Variants in EPHA7 observed in about 807,000 individuals in gnomAD.
The protein encoded by EPHA7 is ephrin type-A receptor 7.
EPHA7 carries 25 observed loss-of-function variants against 112.6 expected under a neutral mutation model. The observed-to-expected ratio is 0.22, with a 90% CI of 0.16 to 0.31. The LOEUF (loss-of-function observed/expected upper bound fraction) is 0.31, where lower values mean the gene tolerates loss of function less well. EPHA7 is among the 10% of genes least tolerant of loss of function. The pLI is 1.00. For missense variants in EPHA7, 962 were observed against 1,212.6 expected (o/e 0.79, Z 3.07); for synonymous variants, 437 against 406.5 (o/e 1.07, Z -0.90).
intron 3 of EPHA7, among the ~76,000 whole-genome samples, chr6:93,401,019 T>C (rs111896759): frequency 0.01 from 1,538 of 152,204 alleles, 21 homozygotes; most frequent in African/African-American, 0.034. Context: ...TGTAAGGTTG[T>C]AATTCAGTGT....
At chr6:93,302,361 T>G (rs1773028015) in intron 5 of EPHA7, among the ~76,000 whole-genome samples, 2 of 152,250 alleles carry the variant, frequency 1.3e-5, no homozygotes, top group South Asian at 4.1e-4. Context: ...CCTGGGTTCT[T>G]TGACCTCTCG....
intron 5 of EPHA7, among the ~76,000 whole-genome samples, chr6:93,330,028 A>C (rs993975258): frequency 2.0e-5 from 3 of 151,388 alleles, no homozygotes; most frequent in African/African-American, 7.3e-5. Context: ...TGCCACAGTC[A>C]GTGGAATGAG....
chr6:93,283,660 G>A (rs1405029522), intron 5 of EPHA7, among the ~76,000 whole-genome samples: 1 of 152,032 alleles, frequency 6.6e-6, no homozygotes, highest in African/African-American at 2.4e-5. Flanking sequence ...GAGACCAGGA[G>A]CCCACCAGAA....
At chr6:93,303,134 A>G (rs747294475) in intron 5 of EPHA7, among the ~76,000 whole-genome samples, 8 of 152,148 alleles carry the variant, frequency 5.3e-5, no homozygotes, top group Non-Finnish European at 1.2e-4. Flanking sequence ...CCGTGATCCT[A>G]CTTTGCTCAC....
At chr6:93,403,396 A>C (rs1360547490) in intron 3 of EPHA7, among the ~76,000 whole-genome samples, 2 of 152,160 alleles carry the variant, frequency 1.3e-5, no homozygotes, top group Non-Finnish European at 2.9e-5. Flanking sequence ...TGTTTAAAAA[A>C]ATAGAATCTT....
At chr6:93,357,286 C>T (rs564501592) in intron 4 of EPHA7, among the ~76,000 whole-genome samples, 42 of 152,156 alleles carry the variant, frequency 2.8e-4, no homozygotes, top group East Asian at 1.7e-3. Context: ...CCTTTTAATA[C>T]GTCAAAATGA....
At chr6:93,396,742 A>G (rs1778193162) in intron 3 of EPHA7, among the ~76,000 whole-genome samples, 1 of 151,892 alleles carries the variant, frequency 6.6e-6, no homozygotes, top group South Asian at 2.1e-4. Context: ...CATACAAAAT[A>G]TAACAATATA....
chr6:93,405,594 T>A (rs1392130095), intron 3 of EPHA7, among the ~76,000 whole-genome samples: 1 of 151,436 alleles, frequency 6.6e-6, no homozygotes, highest in East Asian at 1.9e-4. Context: ...TGTACATACA[T>A]TACTTCATTC....
At chr6:93,360,872 C>T (rs767714430) in intron 3 of EPHA7, among the ~76,000 whole-genome samples, 5 of 152,060 alleles carry the variant, frequency 3.3e-5, no homozygotes, top group Non-Finnish European at 5.9e-5. Flanking sequence ...CAGCCTTATG[C>T]TATTCTACCA....
At chr6:93,406,580 T>G (rs905530087) in intron 3 of EPHA7, among the ~76,000 whole-genome samples, 28 of 151,964 alleles carry the variant, frequency 1.8e-4, no homozygotes, top group African/African-American at 5.8e-4. Context: ...TATTAATATC[T>G]CTGAGCTTCA....
chr6:93,317,490 T>A (rs1304819593), intron 5 of EPHA7, among the ~76,000 whole-genome samples: 1 of 152,124 alleles, frequency 6.6e-6, no homozygotes, highest in South Asian at 2.1e-4. Context: ...CATGGTTAAT[T>A]CTCAGATACA....
intron 5 of EPHA7, among the ~76,000 whole-genome samples, chr6:93,335,091 T>C (rs1774796699): frequency 6.6e-6 from 1 of 152,090 alleles, no homozygotes; most frequent in Non-Finnish European, 1.5e-5. Flanking sequence ...TTAACTTCTC[T>C]CAGCATTTGG....
At chr6:93,368,189 G>C (rs1334455914) in intron 3 of EPHA7, among the ~76,000 whole-genome samples, 9 of 152,014 alleles carry the variant, frequency 5.9e-5, no homozygotes, top group African/African-American at 1.9e-4. Flanking sequence ...TTAAATTTCT[G>C]ATATTTAATA....
chr6:93,298,747 T>C (rs1016124026), intron 5 of EPHA7, among the ~76,000 whole-genome samples: 1 of 152,160 alleles, frequency 6.6e-6, no homozygotes, highest in Non-Finnish European at 1.5e-5. Context: ...GGGCTCTTGG[T>C]AGTTAAATAT....
chr6:93,304,885 A>G (rs554326127), intron 5 of EPHA7, among the ~76,000 whole-genome samples: 1 of 152,184 alleles, frequency 6.6e-6, no homozygotes, highest in Admixed American at 6.6e-5. Flanking sequence ...TTAGATATGT[A>G]CATGGTTTGC....
In EPHA7 at chr6:93,241,150, T is replaced by C; in HGVS notation, c.*2276A>G. The C allele has an allele frequency of 4.8e-6, 1 of 207,878 alleles. No homozygotes were observed. Among genetic ancestry groups the C allele is most frequent in the Non-Finnish European group, 9.8e-6 (1 of 101,876 alleles). 12.9% of individuals were successfully genotyped at this position (207,878 alleles called of 1,614,324 possible). ...CTAGAAAAAAGCAGGAAAGACACCGTTTGCATGTACCATACTATGTCTTCT... is the reference window on the plus strand; with the variant it reads ...CTAGAAAAAAGCAGGAAAGACACCGCTTGCATGTACCATACTATGTCTTCT... On this transcript the variant is annotated 3_prime_UTR_variant, in exon 17 of 17. Transcript: ENST00000369303.
At chr6:93,259,892 A>G (rs1019904249) in intron 9 of EPHA7, among the ~76,000 whole-genome samples, 3 of 151,882 alleles carry the variant, frequency 2.0e-5, no homozygotes, top group African/African-American at 7.3e-5. Context: ...TGGGAAAAGA[A>G]GACATTTCAT....
chr6:93,400,321 C>A (rs901928505), intron 3 of EPHA7, among the ~76,000 whole-genome samples: 3 of 151,970 alleles, frequency 2.0e-5, no homozygotes, highest in African/African-American at 7.2e-5. Flanking sequence ...TTAAAATAAA[C>A]AGGGAACATA....
At chr6:93,401,757 A>G (rs982419794) in intron 3 of EPHA7, among the ~76,000 whole-genome samples, 2 of 151,982 alleles carry the variant, frequency 1.3e-5, no homozygotes, top group Admixed American at 1.3e-4. Context: ...GAAAAATTGA[A>G]ACAAAAAGAT....
Sources: gnomAD v4.1 joint callset for allele counts (sites outside exome capture counted in the v4.1 genomes callset) on GRCh38, gnomAD v4.1.1 for gene constraint, MANE v1.5 for transcripts, NCBI Gene and HGNC (gene_info 2026-07-23, HGNC 2026-07-21) for gene names.